The following SIPA1L3 variants were observed in gnomAD, a reference collection of about 807,000 sequenced individuals.
SIPA1L3 encodes signal induced proliferation associated 1 like 3.
SIPA1L3 carries 59 observed loss-of-function variants against 150.1 expected under a neutral mutation model. That is an observed-to-expected ratio of 0.39 (90% CI 0.32 to 0.49). The LOEUF (loss-of-function observed/expected upper bound fraction) is 0.49, where lower values mean the gene tolerates loss of function less well. Among genes scored for constraint, SIPA1L3 ranks in the 20% least tolerant of loss-of-function variants. The pLI is 0.86. For missense variants in SIPA1L3, 2,211 were observed against 2,489.5 expected (o/e 0.89, Z 2.38); for synonymous variants, 1,070 against 1,077.6 (o/e 0.99, Z 0.14).
chr19:38,044,460 G>A (rs534122118), intron 2 of SIPA1L3, among the ~76,000 whole-genome samples: 16 of 152,160 alleles, frequency 1.1e-4, no homozygotes, highest in Admixed American at 9.8e-4. Context: ...CCAGTGAGGA[G>A]GGAGGAGACC....
chr19:37,907,738 G>T (rs1055749143), intron 1 of SIPA1L3: 2 of 152,214 alleles, frequency 1.3e-5, no homozygotes, highest in African/African-American at 2.4e-5. Context: ...GCACATAGGA[G>T]GCACTTACTA....
Position 38,014,510 on chromosome 19 carries a change from G to C in SIPA1L3, c.-378-14579G>C, listed in dbSNP as rs902821792. ...ACGTCCACCCCAAGCTCAGCACACA[G>C]AGCCACCCGATGGAATGCTTCTCAC... On this transcript the variant is annotated intron_variant, in intron 1 of 21. Transcript: ENST00000222345. 3.3e-5 allele frequency among the ~76,000 whole-genome samples: 5 copies of C among 149,772 alleles called. No individual in the cohort carries two copies. In the East Asian group the frequency reaches 7.9e-4, roughly 24 times the overall value.
chr19:37,985,530 T>C (rs965532392), intron 1 of SIPA1L3, among the ~76,000 whole-genome samples: 1 of 151,842 alleles, frequency 6.6e-6, no homozygotes, highest in Non-Finnish European at 1.5e-5. Flanking sequence ...TAAACCAGGA[T>C]AAAGTGAAGT....
Position 38,043,772 on chromosome 19 carries a change from C to T in SIPA1L3, c.-311+14616C>T, listed in dbSNP as rs989485139. Among the ~76,000 whole-genome samples the T allele has an allele frequency of 1.2e-4, 18 of 152,316 alleles. No individual in the cohort carries two copies. The East Asian group carries it at 1.5e-3, about 13-fold the overall frequency. On this transcript the variant is annotated intron_variant, in intron 2 of 21. Transcript: ENST00000222345. ...GTGAGATACCGTGACACACCTGCTT[C>T]AGTGGCTACGATAAAAAGAGGGCAC...
chr19:38,167,094 G>A (rs942960380), intron 15 of SIPA1L3, among the ~76,000 whole-genome samples: 2 of 151,908 alleles, frequency 1.3e-5, no homozygotes, highest in South Asian at 2.1e-4. Context: ...TTAGCTGGGC[G>A]TGGTGGTGGG....
intron 15 of SIPA1L3, among the ~76,000 whole-genome samples, chr19:38,176,642 T>C (rs763440273): frequency 6.6e-6 from 1 of 152,140 alleles, no homozygotes; most frequent in Non-Finnish European, 1.5e-5. Context: ...CCTCCAGAGA[T>C]TTTTCTCTAA....
intron 1 of SIPA1L3, among the ~76,000 whole-genome samples, chr19:37,931,158 G>A (rs771924234): frequency 3.3e-5 from 5 of 152,210 alleles, no homozygotes; most frequent in Non-Finnish European, 5.9e-5. Context: ...AGGGCAGCAT[G>A]TGATAAGTGC....
intron 2 of SIPA1L3, among the ~76,000 whole-genome samples, chr19:38,041,320 C>A (rs1599943664): frequency 7.2e-6 from 1 of 139,680 alleles, no homozygotes; most frequent in South Asian, 2.2e-4. Context: ...ACTCTGTCAC[C>A]TAGGCTGGAG....
rs547706723 is a variant in SIPA1L3 at position 37,930,834 on chromosome 19, C to T, written c.-379+23476C>T. On this transcript the variant is annotated intron_variant, in intron 1 of 21. Coordinates refer to ENST00000222345, the MANE Select transcript of SIPA1L3 (RefSeq NM_015073.3). Reference sequence around the variant, plus strand: ...GTGACATGCTTAGACACCCCTCCCCCCCAACCCCCAACAGCACCCGACCCA... The same window carrying T: ...GTGACATGCTTAGACACCCCTCCCCTCCAACCCCCAACAGCACCCGACCCA... 5.3e-5 allele frequency among the ~76,000 whole-genome samples: 8 copies of T among 151,948 alleles called. No homozygotes were observed. The East Asian group carries it at 5.8e-4, about 11-fold the overall frequency.
intron 1 of SIPA1L3, among the ~76,000 whole-genome samples, chr19:37,928,070 A>G (rs1194480853): frequency 1.3e-5 from 2 of 152,142 alleles, no homozygotes; most frequent in Non-Finnish European, 2.9e-5. Context: ...TCCTTTGGGT[A>G]GATACCCAGA....
chr19:37,997,864 CAAA>C (rs967452351), intron 1 of SIPA1L3, among the ~76,000 whole-genome samples: 5 of 69,258 alleles, frequency 7.2e-5, no homozygotes, highest in Non-Finnish European at 9.1e-5. Flanking sequence ...GACTCCATCT[CAAA>C]AAAAAAAAAA....
In SIPA1L3 at chr19:38,152,976, C is replaced by A; in HGVS notation, c.3661+9C>A. The A allele has an allele frequency of 6.2e-7, 1 of 1,610,648 alleles. No homozygotes were observed. The highest frequency in any genetic ancestry group is 1.3e-5 in the African/African-American group (1 of 75,020). ...GGAACGCCAGAAGCCAGGTAGGGCC[C>A]CCACCAGCTGCTGCGCCCACCCGCC... On this transcript the variant is annotated intron_variant, in intron 13 of 21. Coordinates refer to ENST00000222345, the MANE Select transcript of SIPA1L3 (RefSeq NM_015073.3).
At chr19:38,010,532 G>A (rs1414841145) in intron 1 of SIPA1L3, among the ~76,000 whole-genome samples, 6 of 152,048 alleles carry the variant, frequency 3.9e-5, no homozygotes, top group Non-Finnish European at 7.4e-5. Flanking sequence ...CCAACATGGC[G>A]AAACCCTGTC....
intron 16 of SIPA1L3, among the ~76,000 whole-genome samples, chr19:38,191,696 T>C (rs1016081208): frequency 1.0e-4 from 15 of 150,586 alleles, no homozygotes; most frequent in Non-Finnish European, 1.8e-4. Context: ...GCCCCAATCC[T>C]TGCTACTCCA....
At chr19:38,126,928 C>T (rs1415977463) in intron 9 of SIPA1L3, among the ~76,000 whole-genome samples, 1 of 151,910 alleles carries the variant, frequency 6.6e-6, no homozygotes, top group African/African-American at 2.4e-5. Context: ...TGCAGTGGCT[C>T]ACACCTGTAA....
At chr19:38,177,078 T>G (rs1972451369) in intron 15 of SIPA1L3, among the ~76,000 whole-genome samples, 1 of 152,074 alleles carries the variant, frequency 6.6e-6, no homozygotes, top group South Asian at 2.1e-4. Flanking sequence ...CTAGTTTAGC[T>G]GGGCCGGGCG....
chr19:38,113,656 C>T (rs1277949059), intron 8 of SIPA1L3, among the ~76,000 whole-genome samples: 1 of 152,012 alleles, frequency 6.6e-6, no homozygotes, highest in Non-Finnish European at 1.5e-5. Flanking sequence ...GTGGCTGTTG[C>T]CTCCTTTGAC....
At chr19:37,917,097 A>G (rs1356890066) in intron 1 of SIPA1L3, among the ~76,000 whole-genome samples, 2 of 152,250 alleles carry the variant, frequency 1.3e-5, no homozygotes, top group African/African-American at 4.8e-5. Context: ...CATCATTTCA[A>G]CATGTAATCA....
intron 9 of SIPA1L3, among the ~76,000 whole-genome samples, chr19:38,128,619 G>A (rs1481381042): frequency 2.1e-5 from 3 of 144,590 alleles, no homozygotes; most frequent in Non-Finnish European, 4.4e-5. Context: ...TTCCTTGGCC[G>A]GGCGCAGTGG....
Sources: gnomAD v4.1 joint callset for allele counts (sites outside exome capture counted in the v4.1 genomes callset) on GRCh38, gnomAD v4.1.1 for gene constraint, MANE v1.5 for transcripts, NCBI Gene and HGNC (gene_info 2026-07-23, HGNC 2026-07-21) for gene names.